The following PTCHD4 variants were observed in gnomAD, a reference collection of about 807,000 sequenced individuals.
PTCHD4 encodes the protein patched domain containing 4, also known as patched domain-containing protein 4.
In PTCHD4, 33 loss-of-function variants were observed where a neutral mutation model predicts 58.1. The ratio of observed to expected loss-of-function variants is 0.57; its 90% CI spans 0.43 to 0.76. PTCHD4 has a LOEUF of 0.76. Ranked by LOEUF, PTCHD4 falls within the 30% of genes least tolerant of loss-of-function variation. The pLI, the probability that PTCHD4 is intolerant of heterozygous loss-of-function variation, is 0.00. For synonymous variants in PTCHD4, 478 were observed against 409.6 expected (o/e 1.17, Z -2.02); for missense variants, 1,058 against 1,027.1 (o/e 1.03, Z -0.41).
intron 4 of PTCHD4, chr6:47,901,303 G>T (rs1385752781): frequency 6.5e-5 from 24 of 368,196 alleles, no homozygotes; most frequent in Non-Finnish European, 8.3e-5. Flanking sequence ...TTAACCTGTA[G>T]TTTTCCTTCC....
intron 4 of PTCHD4, among the ~76,000 whole-genome samples, chr6:47,937,683 G>A (rs939831809): frequency 2.6e-5 from 4 of 152,152 alleles, no homozygotes; most frequent in Non-Finnish European, 4.4e-5. Context: ...TTTAATGCCA[G>A]GGGACTGGAT....
At chr6:48,024,080 G>C (rs1268402043) in intron 3 of PTCHD4, among the ~76,000 whole-genome samples, 1 of 152,150 alleles carries the variant, frequency 6.6e-6, no homozygotes, top group East Asian at 1.9e-4. Flanking sequence ...GGACTGTCTA[G>C]CTCATAAGCT....
At position 47,938,209 on chromosome 6, in the gene PTCHD4, T is replaced by C. The variant is rs1013026270; in HGVS notation, c.899-58273A>G. On this transcript the variant is annotated intron_variant, in intron 4 of 4. Coordinates refer to ENST00000339488, the MANE Select transcript of PTCHD4 (RefSeq NM_001384253.1). ...GAGGAGGGACTGATCAACTGTAAGA[T>C]GTTGCTAATAGGTCAAGAAAGATGA... Among the ~76,000 whole-genome samples the C allele has an allele frequency of 3.3e-5, 5 of 152,090 alleles. No individual in the cohort carries two copies. The South Asian group carries it at 1.0e-3, about 32-fold the overall frequency.
chr6:47,998,207 T>G (rs572742425), intron 4 of PTCHD4, among the ~76,000 whole-genome samples: 1 of 152,220 alleles, frequency 6.6e-6, no homozygotes, highest in East Asian at 1.9e-4. Context: ...TTGATAGACA[T>G]GTATTTGAGG....
chr6:48,081,503 C>T (rs558584085), intron 1 of PTCHD4, among the ~76,000 whole-genome samples: 3 of 152,190 alleles, frequency 2.0e-5, no homozygotes, highest in East Asian at 1.9e-4. Context: ...ATAATAAAAG[C>T]TCACACCTCT....
chr6:47,978,508 T>G (rs1327434839), intron 4 of PTCHD4, among the ~76,000 whole-genome samples: 3 of 152,206 alleles, frequency 2.0e-5, no homozygotes, highest in Non-Finnish European at 4.4e-5. Flanking sequence ...CTCATAGTTT[T>G]TGTGAGTATT....
chr6:48,078,197 T>C (rs1349302204), intron 1 of PTCHD4, among the ~76,000 whole-genome samples: 1 of 152,216 alleles, frequency 6.6e-6, no homozygotes, highest in African/African-American at 2.4e-5. Flanking sequence ...TTGCTAGGTT[T>C]GCCACATCTT....
At chr6:47,965,434 A>G (rs1767249260) in intron 4 of PTCHD4, among the ~76,000 whole-genome samples, 1 of 152,210 alleles carries the variant, frequency 6.6e-6, no homozygotes, top group South Asian at 2.1e-4. Context: ...CTCTTTAAAA[A>G]GATCTCAGAA....
chr6:47,956,425 G>T (rs895461776), intron 4 of PTCHD4, among the ~76,000 whole-genome samples: 19 of 148,880 alleles, frequency 1.3e-4, no homozygotes, highest in African/African-American at 2.7e-4. Context: ...AGAGAGTATG[G>T]TTTTTTTTTT....
chr6:48,033,054 T>C (rs557720645), intron 3 of PTCHD4, among the ~76,000 whole-genome samples: 1 of 152,238 alleles, frequency 6.6e-6, no homozygotes, highest in Non-Finnish European at 1.5e-5. Context: ...GTGTGTCTTT[T>C]CTGAACAGAA....
At chr6:47,916,627 A>G (rs904031332) in intron 4 of PTCHD4, among the ~76,000 whole-genome samples, 2 of 151,918 alleles carry the variant, frequency 1.3e-5, no homozygotes, top group African/African-American at 4.8e-5. Context: ...AAACTTTCTG[A>G]ACCCCCAGTT....
chr6:47,976,211 T>C lies in PTCHD4; in HGVS notation c.898+32423A>G, dbSNP rs538449746. On this transcript the variant is annotated intron_variant, in intron 4 of 4. Coordinates refer to ENST00000339488, the MANE Select transcript of PTCHD4 (RefSeq NM_001384253.1). Reference sequence around the variant, plus strand: ...TCTGTCTTTCAAGAATGGGGTCAAATGCACAACTTTATCTTTCCAGAGAGA... The same window carrying C: ...TCTGTCTTTCAAGAATGGGGTCAAACGCACAACTTTATCTTTCCAGAGAGA... Among the ~76,000 whole-genome samples, 56 of 152,310 alleles carry C rather than the reference T, an allele frequency of 3.7e-4. 1 individual carries two copies. The highest frequency in any genetic ancestry group is 1.3e-3 in the African/African-American group (53 of 41,566).
intron 4 of PTCHD4, among the ~76,000 whole-genome samples, chr6:47,955,824 G>A (rs182035210): frequency 6.6e-6 from 1 of 152,220 alleles, no homozygotes; most frequent in Non-Finnish European, 1.5e-5. Context: ...TGTGCATTTA[G>A]GAGTATAGTA....
At chr6:48,109,096 C>CTTT (rs1210829907) in intron 1 of PTCHD4, among the ~76,000 whole-genome samples, 5 of 152,010 alleles carry the variant, frequency 3.3e-5, no homozygotes, top group African/African-American at 1.2e-4. Flanking sequence ...CCTTAACAAA[C>CTTT]TAAAAACAAC....
chr6:48,000,740 T>C (rs1768688410), intron 4 of PTCHD4, among the ~76,000 whole-genome samples: 1 of 152,186 alleles, frequency 6.6e-6, no homozygotes, highest in Non-Finnish European at 1.5e-5. Context: ...TTACCTATAG[T>C]AGGTGAACTG....
chr6:48,105,386 G>A (rs1227443939), intron 1 of PTCHD4, among the ~76,000 whole-genome samples: 1 of 152,150 alleles, frequency 6.6e-6, no homozygotes, highest in South Asian at 2.1e-4. Context: ...AAATAAAGAT[G>A]TTCTTTGAAA....
At position 47,865,798 on chromosome 6, in the gene PTCHD4, TAATAAA is replaced by T. The variant is rs1245255487; in HGVS notation, c.*12499_*12504del. Among the ~76,000 whole-genome samples, 1 of 151,790 alleles carries T rather than the reference TAATAAA, an allele frequency of 6.6e-6. No homozygotes were observed. Among genetic ancestry groups the T allele is most frequent in the Non-Finnish European group, 1.5e-5 (1 of 67,848 alleles). ...TAAATTTTGAATCTAATAATAATAATAATAAAAAGTAATCTGAGTCCATCAAATCAA... is the reference window on the plus strand; with the variant it reads ...TAAATTTTGAATCTAATAATAATAATAAGTAATCTGAGTCCATCAAATCAA... On this transcript the variant is annotated 3_prime_UTR_variant, in exon 5 of 5. Coordinates refer to ENST00000339488, the MANE Select transcript of PTCHD4 (RefSeq NM_001384253.1).
At position 48,069,683 on chromosome 6, in the gene PTCHD4, T is replaced by C. The variant is rs1582109405; in HGVS notation, c.-726A>G. Reference sequence around the variant, plus strand: ...GCCTGTGTGCGTGTGCGTGTGCGTGTGTGTGTATTGAAAGTGAAGATCTAC... The same window carrying C: ...GCCTGTGTGCGTGTGCGTGTGCGTGCGTGTGTATTGAAAGTGAAGATCTAC... On this transcript the variant is annotated 5_prime_UTR_variant, in exon 2 of 5. Coordinates refer to ENST00000339488, the MANE Select transcript of PTCHD4 (RefSeq NM_001384253.1). 1.3e-5 allele frequency among the ~76,000 whole-genome samples: 2 copies of C among 152,206 alleles called. No individual in the cohort carries two copies. The highest frequency in any genetic ancestry group is 4.1e-4 in the South Asian group (2 of 4,822).
At position 47,975,011 on chromosome 6, in the gene PTCHD4, C is replaced by CAAACA. The variant is rs749079590; in HGVS notation, c.898+33618_898+33622dup. Among the ~76,000 whole-genome samples the CAAACA allele has an allele frequency of 6.6e-5, 10 of 152,194 alleles. No homozygotes were observed. In the East Asian group the frequency reaches 1.9e-3, roughly 29 times the overall value. On this transcript the variant is annotated intron_variant, in intron 4 of 4. Transcript: ENST00000339488. ...TTCCATGGTAAAACAAACAAACAAA[C>CAAACA]AAACAAAACAAAACAGTTGACTCAT...
Sources: gnomAD v4.1 joint callset for allele counts (sites outside exome capture counted in the v4.1 genomes callset) on GRCh38, gnomAD v4.1.1 for gene constraint, MANE v1.5 for transcripts, NCBI Gene and HGNC (gene_info 2026-07-23, HGNC 2026-07-21) for gene names.